GPHN: variants seen among roughly 807,000 people sequenced by gnomAD.
GPHN encodes the protein gephyrin.
Under a neutral mutation model 95.5 loss-of-function variants are expected in GPHN, and 17 were observed. The ratio of observed to expected loss-of-function variants is 0.18; its 90% CI spans 0.12 to 0.27. GPHN has a LOEUF of 0.27. Among genes scored for constraint, GPHN ranks in the 10% least tolerant of loss-of-function variants. The probability of loss-of-function intolerance (pLI) is 1.00; values close to 1 mark genes in which losing one functional copy is unlikely to be tolerated. For missense variants in GPHN, 660 were observed against 978.1 expected, an observed-to-expected ratio of 0.67 and a Z score of 4.34; for synonymous variants, 320 against 322.5, an observed-to-expected ratio of 0.99 and a Z score of 0.08.
chr14:67,693,374 C>T, the GPHN span, among the ~76,000 whole-genome samples: 4 of 152,202 alleles, frequency 2.6e-5, no homozygotes, highest in African/African-American at 9.7e-5. Flanking sequence ...TAGGAAATCA[C>T]AAGATTCAGC....
In GPHN at chr14:66,519,492, G is replaced by T. The variant is rs1311954385; in HGVS notation, c.64+10901G>T. Reference sequence around the variant, plus strand: ...TATTTGTTTCTAACACTTAAAAAAAGATATTTCATATAAAATCCATATTTT... The same window carrying T: ...TATTTGTTTCTAACACTTAAAAAAATATATTTCATATAAAATCCATATTTT... On this transcript the variant is annotated intron_variant, in intron 1 of 22. Coordinates refer to ENST00000478722, the MANE Select transcript of GPHN (RefSeq NM_020806.5). 2.0e-5 allele frequency among the ~76,000 whole-genome samples: 3 copies of T among 151,984 alleles called. 1 individual carries two copies. Among genetic ancestry groups the T allele is most frequent in the Non-Finnish European group, 4.4e-5 (3 of 67,934 alleles).
At chr14:67,457,021 G>A in the GPHN span, among the ~76,000 whole-genome samples, 3,565 of 152,288 alleles carry the variant, frequency 0.023, 60 homozygotes, top group Non-Finnish European at 0.032. Context: ...GTGAATTAAT[G>A]CCGAAACAGA....
chr14:67,725,107 G>A, the GPHN span: 2 of 1,614,186 alleles, frequency 1.2e-6, no homozygotes, highest in Admixed American at 3.3e-5. Context: ...AGGAGCCCGA[G>A]TCTATATTGC....
chr14:67,186,788 C>A (rs1044223772), downstream of GPHN, among the ~76,000 whole-genome samples: 27 of 152,162 alleles, frequency 1.8e-4, no homozygotes, highest in Non-Finnish European at 4.0e-4. Context: ...TATTATTGAA[C>A]CTAACAGCCA....
At chr14:67,611,360 A>T in the GPHN span, among the ~76,000 whole-genome samples, 9 of 151,920 alleles carry the variant, frequency 5.9e-5, no homozygotes, top group South Asian at 1.2e-3. Context: ...TCCCAGGTTC[A>T]AGTGATTCTC....
the GPHN span, chr14:67,562,218 G>C: frequency 6.2e-7 from 1 of 1,611,960 alleles, no homozygotes; most frequent in South Asian, 1.1e-5. Flanking sequence ...TCAGAGCCGG[G>C]AATCCAGCCT....
At chr14:67,315,954 C>CA in the GPHN span, among the ~76,000 whole-genome samples, 6 of 152,362 alleles carry the variant, frequency 3.9e-5, no homozygotes, top group South Asian at 1.2e-3. Context: ...TTTAATGCTT[C>CA]TTATGTGTAT....
chr14:67,647,634 C>T, the GPHN span: 1 of 158,052 alleles, frequency 6.3e-6, no homozygotes, highest in African/African-American at 2.4e-5. Flanking sequence ...AGAATAAGAG[C>T]AACCATAACT....
In GPHN at chr14:66,550,436, G is replaced by A. The variant is rs554249397; in HGVS notation, c.64+41845G>A. Among the ~76,000 whole-genome samples, 16 of 152,306 alleles carry A rather than the reference G, an allele frequency of 1.1e-4. No individual in the cohort carries two copies. The South Asian group carries it at 3.1e-3, about 30-fold the overall frequency. On this transcript the variant is annotated intron_variant, in intron 1 of 22. Transcript: ENST00000478722. ...AATGGATGAAGAGTTGCTTCTTATGGATAAGTAAAGAAAGTGGTTTCTTGA... is the reference window on the plus strand; with the variant it reads ...AATGGATGAAGAGTTGCTTCTTATGAATAAGTAAAGAAAGTGGTTTCTTGA...
chr14:67,695,792 T>C, the GPHN span: 4 of 1,260,392 alleles, frequency 3.2e-6, no homozygotes, highest in Non-Finnish European at 4.5e-6. Context: ...CCAATTCAAA[T>C]TGCGACAGCC....
At chr14:66,889,977 G>A (rs540628903) in intron 5 of GPHN, among the ~76,000 whole-genome samples, 9 of 152,054 alleles carry the variant, frequency 5.9e-5, no homozygotes, top group South Asian at 4.1e-4. Context: ...AGAGTACAGC[G>A]TAACAATTAC....
At chr14:66,860,719 C>T (rs1196493021) in intron 4 of GPHN, among the ~76,000 whole-genome samples, 2 of 151,802 alleles carry the variant, frequency 1.3e-5, no homozygotes, top group Admixed American at 6.6e-5. Context: ...AGAGACACAA[C>T]AAAAAGTTAA....
the GPHN span, among the ~76,000 whole-genome samples, chr14:67,675,774 A>G: frequency 6.6e-6 from 1 of 151,944 alleles, no homozygotes; most frequent in Non-Finnish European, 1.5e-5. Flanking sequence ...AAAAATTACA[A>G]GGTCCCTTCT....
chr14:67,226,093 T>C, the GPHN span, among the ~76,000 whole-genome samples: 4,788 of 152,324 alleles, frequency 0.031, 110 homozygotes, highest in Middle Eastern at 0.099. Context: ...GCCTTGCTGA[T>C]GGAATCAAGG....
intron 20 of GPHN, 137 bp downstream of exon 20, chr14:67,165,363 A>T (rs1452260497): frequency 3.0e-6 from 2 of 674,776 alleles, no homozygotes; most frequent in African/African-American, 3.6e-5. Context: ...CCAATCACTT[A>T]ACCTCTCTAG....
chr14:67,128,842 T>C (rs1487069385), intron 17 of GPHN, among the ~76,000 whole-genome samples: 1 of 151,336 alleles, frequency 6.6e-6, no homozygotes, highest in Non-Finnish European at 1.5e-5. Context: ...GAGACGGAGT[T>C]TCGCTGTTGT....
intron 1 of GPHN, among the ~76,000 whole-genome samples, chr14:66,600,605 A>G (rs1271294991): frequency 6.6e-6 from 1 of 152,104 alleles, no homozygotes; most frequent in East Asian, 1.9e-4. Context: ...CATGTCCCAC[A>G]GCAGTATGAC....
At chr14:67,226,385 G>A in the GPHN span, among the ~76,000 whole-genome samples, 6 of 149,326 alleles carry the variant, frequency 4.0e-5, no homozygotes, top group East Asian at 5.9e-4. Context: ...TTTTTGAGAC[G>A]GAGTCTCGCT....
chr14:66,698,831 G>A (rs2068299081), intron 2 of GPHN, among the ~76,000 whole-genome samples: 1 of 152,072 alleles, frequency 6.6e-6, no homozygotes, highest in Admixed American at 6.6e-5. Flanking sequence ...ACAAAACATT[G>A]GCCCTCCATA....
Sources: allele counts gnomAD v4.1 joint callset (sites outside exome capture counted in the v4.1 genomes callset), GRCh38; gene constraint gnomAD v4.1.1; transcripts MANE v1.5; gene names NCBI Gene and HGNC (gene_info 2026-07-23, HGNC 2026-07-21).